Variants in CACNA1I observed in about 807,000 individuals in gnomAD.
CACNA1I encodes the protein calcium voltage-gated channel subunit alpha1 I.
In CACNA1I, 74 loss-of-function variants were observed where a neutral mutation model predicts 201.6. The ratio of observed to expected loss-of-function variants is 0.37; its 90% CI spans 0.30 to 0.45. The LOEUF (loss-of-function observed/expected upper bound fraction) is 0.45, where lower values mean the gene tolerates loss of function less well. Ranked by LOEUF, CACNA1I falls within the 20% of genes least tolerant of loss-of-function variation. The pLI is 1.00. For synonymous variants in CACNA1I, 1,431 were observed against 1,345.2 expected (o/e 1.06, Z -1.40); for missense variants, 2,346 against 3,138.1 (o/e 0.75, Z 6.03).
rs1422213111 is a variant in CACNA1I, at chr22:39,665,945, A to G, written c.4043A>G (p.Asp1348Gly). The G allele has an allele frequency of 6.2e-7, 1 of 1,613,818 alleles. No homozygotes were observed. The highest frequency in any genetic ancestry group is 1.7e-5 in the Admixed American group (1 of 60,028). The change falls in exon 23 of 37, where the codon GAC becomes GGC. Residue 1348 changes from aspartate (D) to glycine (G), a missense_variant. Coordinates refer to ENST00000402142, the MANE Select transcript of CACNA1I (RefSeq NM_021096.4). The surrounding 1 kb of genome is among the most constrained non-coding windows in gnomAD (Gnocchi z 5.5). ...VDTRNITNRS[D>G]CMAANYRWVH... ...ACCCGCAACATCACCAACCGCTCGGACTGCATGGCCGCCAACTACCGCTGG... is the reference window on the plus strand; with the variant it reads ...ACCCGCAACATCACCAACCGCTCGGGCTGCATGGCCGCCAACTACCGCTGG...
At position 39,677,426 on chromosome 22, in the gene CACNA1I, G is replaced by A. The variant is rs1465706433; in HGVS notation, c.4933+7G>A. On this transcript the variant is annotated splice_region_variant and intron_variant, in intron 30 of 36. Transcript: ENST00000402142. The surrounding 1 kb of genome is among the most constrained non-coding windows in gnomAD (Gnocchi z 4.8). ...GAGCTCTTTGGGAAGCTGGGTGAGT[G>A]ACTCCCAGAGCAGGCCCGTGGTGGG... 1.3e-6 allele frequency: 2 copies of A among 1,554,550 alleles called. No homozygotes were observed. The highest frequency in any genetic ancestry group is 1.9e-5 in the Admixed American group (1 of 53,512).
chr22:39,680,829 C>T (rs1004022983), intron 33 of CACNA1I, 101 bp from the exon 34 acceptor site: 17 of 1,321,964 alleles, frequency 1.3e-5, no homozygotes, highest in Non-Finnish European at 1.7e-5. Flanking sequence ...GACCACTGCT[C>T]GGCCTCTCTT....
At chr22:39,630,673 C>T (rs1014266342) in intron 4 of CACNA1I, among the ~76,000 whole-genome samples, 8 of 152,184 alleles carry the variant, frequency 5.3e-5, no homozygotes, top group African/African-American at 9.7e-5. Flanking sequence ...TGATGGAGGG[C>T]GGGTGGGCAG....
chr22:39,586,392 G>A (rs888155539), intron 1 of CACNA1I, among the ~76,000 whole-genome samples: 1 of 151,900 alleles, frequency 6.6e-6, no homozygotes, highest in Non-Finnish European at 1.5e-5. Context: ...CTTGGGAAGT[G>A]GAGGCAGGAG....
rs528148106 is a variant in CACNA1I at position 39,589,248 on chromosome 22, G to A, written c.237-8903G>A. 2.6e-5 allele frequency among the ~76,000 whole-genome samples: 4 copies of A among 152,284 alleles called. No homozygotes were observed. The East Asian group carries it at 5.8e-4, about 22-fold the overall frequency. On this transcript the variant is annotated intron_variant, in intron 1 of 36. Transcript: ENST00000402142. ...GTTGTCCCAGGTTGGGGCTGTTACC[G>A]ATAACACAGACGTGCCTGTTCTGGG...
At chr22:39,601,625 C>T (rs713865) in intron 3 of CACNA1I, among the ~76,000 whole-genome samples, 55,185 of 151,590 alleles carry the variant, frequency 0.36, 11,854 homozygotes, top group Non-Finnish European at 0.49. Context: ...TGTGTGTGAC[C>T]TCGTGTGTAG....
rs1444509714 is a variant in CACNA1I at position 39,677,172 on chromosome 22, C to T, written c.4855-169C>T. ...AGCCCTGTGCTGGACCCAGCCTGCC[C>T]TCCAGGTCCTGTAGGGGTGGCAGAC... On this transcript the variant is annotated intron_variant, in intron 29 of 36. Transcript: ENST00000402142. This position sits in a 1 kb window ranked among gnomAD's most constrained non-coding sequence, Gnocchi z 4.8. Among the ~76,000 whole-genome samples the T allele has an allele frequency of 6.6e-6, 1 of 152,212 alleles. No individual in the cohort carries two copies. The highest frequency in any genetic ancestry group is 1.5e-5 in the Non-Finnish European group (1 of 68,032).
Position 39,600,459 on chromosome 22 carries a change from C to T in CACNA1I, c.349-61C>T, listed in dbSNP as rs1932999937. 7 of 1,459,870 alleles carry T rather than the reference C, an allele frequency of 4.8e-6. No individual in the cohort carries two copies. In the Admixed American group the frequency reaches 1.1e-4, roughly 22 times the overall value. The allele number at this position is 1,459,870 out of a possible 1,614,324, so 90.4% of individuals were successfully genotyped here. On this transcript the variant is annotated intron_variant, in intron 2 of 36. Transcript: ENST00000402142. ...TCCCCACCTCACACTGTGGCTGCAACCCCTGGGCCCTGCTCTGCAACCTCA... is the reference window on the plus strand; with the variant it reads ...TCCCCACCTCACACTGTGGCTGCAATCCCTGGGCCCTGCTCTGCAACCTCA...
intron 10 of CACNA1I, among the ~76,000 whole-genome samples, chr22:39,653,390 T>C (rs1230243844): frequency 6.6e-6 from 1 of 152,146 alleles, no homozygotes; most frequent in Admixed American, 6.5e-5. Context: ...ATGGGCCCGC[T>C]GGTATTTTTG....
At chr22:39,669,317 C>T (rs136858) in intron 24 of CACNA1I, among the ~76,000 whole-genome samples, 110,085 of 151,924 alleles carry the variant, frequency 0.72, 40,323 homozygotes, top group East Asian at 1. Context: ...AACACTTGGA[C>T]GCATCTTTCT....
In CACNA1I at chr22:39,662,573, G is replaced by A. The variant is rs1935060912; in HGVS notation, c.3372+138G>A. 74 of 737,176 alleles carry A rather than the reference G, an allele frequency of 1.0e-4. No homozygotes were observed. The South Asian group carries it at 1.4e-3, about 14-fold the overall frequency. The allele number at this position is 737,176 out of a possible 1,614,324, so 45.7% of individuals were successfully genotyped here. On this transcript the variant is annotated intron_variant, in intron 17 of 36. Coordinates refer to ENST00000402142, the MANE Select transcript of CACNA1I (RefSeq NM_021096.4). ...CGTGGCCGGAGCGGCTAGGGCTTCA[G>A]GTGTGAGGCAGGAGGGGTGGGGCCA...
intron 10 of CACNA1I, among the ~76,000 whole-genome samples, chr22:39,656,213 G>A (rs1185838221): frequency 2.0e-5 from 3 of 152,016 alleles, no homozygotes; most frequent in East Asian, 3.9e-4. Flanking sequence ...GGAAGCTGGC[G>A]CTTGGGTTGT....
chr22:39,620,447 T>C (rs1933714109), intron 4 of CACNA1I, among the ~76,000 whole-genome samples: 1 of 152,134 alleles, frequency 6.6e-6, no homozygotes, highest in Admixed American at 6.5e-5. Context: ...ACCCACCTAG[T>C]ATTAAGAGAG....
rs138893484 is a variant in CACNA1I at position 39,634,026 on chromosome 22, G to A, written c.581-539G>A. ...GGCACGTACTACAACCACTCTGCAG[G>A]TGCTGGGCATACTAAGGTGAACCAG... On this transcript the variant is annotated intron_variant, in intron 4 of 36. Transcript: ENST00000402142. Among the ~76,000 whole-genome samples, 6 of 152,332 alleles carry A rather than the reference G, an allele frequency of 3.9e-5. No homozygotes were observed. The East Asian group carries it at 1.2e-3, about 29-fold the overall frequency.
In CACNA1I at chr22:39,662,862, C is replaced by T. The variant is rs1477396272; in HGVS notation, c.3459C>T (p.Phe1153=). ...EVREDWSVYL[F]SPENRFRVLC... ...GCGAAGACTGGTCTGTCTACCTCTT[C>T]TCTCCCGAGAACAGGTGGGCAGGGC... The change falls in exon 18 of 37, where the codon TTC becomes TTT. Residue 1153 remains phenylalanine, a synonymous_variant. Transcript: ENST00000402142. 1 of 1,592,390 alleles carries T rather than the reference C, an allele frequency of 6.3e-7. No individual in the cohort carries two copies. The highest frequency in any genetic ancestry group is 1.7e-5 in the Admixed American group (1 of 58,288).
At chr22:39,607,524 C>A (rs1569059613) in intron 3 of CACNA1I, among the ~76,000 whole-genome samples, 1 of 152,234 alleles carries the variant, frequency 6.6e-6, no homozygotes, top group Non-Finnish European at 1.5e-5. Flanking sequence ...TCACAGCAGC[C>A]TCTAATCAGG....
At position 39,659,180 on chromosome 22, in the gene CACNA1I, G is replaced by T; in HGVS notation, c.2330+64G>T. The T allele has an allele frequency of 1.3e-6, 2 of 1,585,876 alleles. No individual in the cohort carries two copies. Among genetic ancestry groups the T allele is most frequent in the Non-Finnish European group, 1.7e-6 (2 of 1,166,684 alleles). On this transcript the variant is annotated intron_variant, in intron 12 of 36. Coordinates refer to ENST00000402142, the MANE Select transcript of CACNA1I (RefSeq NM_021096.4). This position sits in a 1 kb window ranked among gnomAD's most constrained non-coding sequence, Gnocchi z 4.3. The stretch of plus-strand genomic sequence containing the variant: ...CTGGGGCTGTGGGCGGGAGCCTGGG[G>T]GATGTGGTCCACTGTGCTTCTCTGG...
At chr22:39,646,320 G>A (rs560405316) in intron 7 of CACNA1I, among the ~76,000 whole-genome samples, 10 of 151,772 alleles carry the variant, frequency 6.6e-5, no homozygotes, top group South Asian at 2.1e-4. Flanking sequence ...TTGTCATCGC[G>A]TCTCTGTACC....
At chr22:39,603,449 C>T (rs1933125178) in intron 3 of CACNA1I, among the ~76,000 whole-genome samples, 1 of 152,172 alleles carries the variant, frequency 6.6e-6, no homozygotes, top group Non-Finnish European at 1.5e-5. Context: ...TTTTAATTCA[C>T]AAGAACACTT....
Sources: gnomAD v4.1 joint callset for allele counts (sites outside exome capture counted in the v4.1 genomes callset) on GRCh38, gnomAD v4.1.1 for gene constraint, Gnocchi (gnomAD v3.1) non-coding constraint, MANE v1.5 for transcripts, NCBI Gene and HGNC (gene_info 2026-07-23, HGNC 2026-07-21) for gene names.